Variants in KLHL6 observed in about 807,000 individuals in gnomAD.
KLHL6 encodes the protein kelch like family member 6, also known as kelch-like protein 6.
A neutral mutation model predicts 58.6 loss-of-function variants in KLHL6; 41 were observed. The observed-to-expected ratio is 0.70, with a 90% CI of 0.55 to 0.91. The LOEUF (loss-of-function observed/expected upper bound fraction) is 0.91. KLHL6 is among the 40% of genes least tolerant of loss of function. The pLI is 0.00. For missense variants in KLHL6, 714 were observed against 805.6 expected, an observed-to-expected ratio of 0.89 and a Z score of 1.38; for synonymous variants, 338 against 322.7, an observed-to-expected ratio of 1.05 and a Z score of -0.51.
At chr3:183,529,981 A>T (rs539267773) in intron 1 of KLHL6, among the ~76,000 whole-genome samples, 1 of 152,260 alleles carries the variant, frequency 6.6e-6, no homozygotes, top group South Asian at 2.1e-4. Context: ...GGACTCAGCG[A>T]GAAGGTGGCC....
chr3:183,528,028 G>A lies in KLHL6; in HGVS notation c.294-18C>T, dbSNP rs1560104646. ...ACATGGCCCTGGAAGAGAAATGTGT[G>A]AATGTGAATCGTGCCGAGACCCTTG... is the stretch of plus-strand genomic sequence containing the variant. On this transcript the variant is annotated intron_variant, in intron 1 of 6. Coordinates refer to ENST00000341319, the MANE Select transcript of KLHL6 (RefSeq NM_130446.4). 2 of 1,613,906 alleles carry A rather than the reference G, an allele frequency of 1.2e-6. No homozygotes were observed. The highest frequency in any genetic ancestry group is 1.6e-4 in the Middle Eastern group (1 of 6,062).
intron 1 of KLHL6, among the ~76,000 whole-genome samples, chr3:183,543,074 C>T (rs908547099): frequency 1.3e-5 from 2 of 152,164 alleles, no homozygotes; most frequent in African/African-American, 4.8e-5. Context: ...GGGCAGATCA[C>T]CTGAGGTCAG....
intron 5 of KLHL6, chr3:183,493,826 G>T: frequency 2.0e-6 from 1 of 509,494 alleles, no homozygotes; most frequent in Non-Finnish European, 3.6e-6. Flanking sequence ...GTGCACATCT[G>T]GGGTTCTGTC....
chr3:183,535,553 A>C (rs1712337092), intron 1 of KLHL6, among the ~76,000 whole-genome samples: 1 of 152,236 alleles, frequency 6.6e-6, no homozygotes, highest in Non-Finnish European at 1.5e-5. Flanking sequence ...CCAACATGAC[A>C]TTTAGAAATG....
At position 183,508,221 on chromosome 3, in the gene KLHL6, T is replaced by C; in HGVS notation, c.747A>G (p.Glu249=). The change falls in exon 3 of 7, where the codon GAA becomes GAG. Residue 249 remains glutamate (E), a synonymous_variant. Transcript: ENST00000341319. ...VMSWVRHKPS[E]RLCLLPYVLE... is the part of the protein sequence containing the mutation. ...GGACATAGGGGAGTAAGCAGAGTCG[T>C]TCTGATGGCTTGTGCCGGACCCAGC... The C allele has an allele frequency of 6.2e-7, 1 of 1,614,188 alleles. No individual in the cohort carries two copies. Among genetic ancestry groups the C allele is most frequent in the East Asian group, 2.2e-5 (1 of 44,876 alleles).
chr3:183,494,911 T>C (rs1717673890), intron 4 of KLHL6, among the ~76,000 whole-genome samples: 1 of 152,168 alleles, frequency 6.6e-6, no homozygotes, highest in South Asian at 2.1e-4. Flanking sequence ...CTGGTAAACA[T>C]TTTCTTGAAG....
intron 1 of KLHL6, among the ~76,000 whole-genome samples, chr3:183,537,067 T>C (rs1484903556): frequency 6.6e-6 from 1 of 152,162 alleles, no homozygotes; most frequent in Non-Finnish European, 1.5e-5. Context: ...TACACTACCC[T>C]GGCCATGGCC....
At chr3:183,537,508 C>A (rs922668431) in intron 1 of KLHL6, among the ~76,000 whole-genome samples, 18 of 152,308 alleles carry the variant, frequency 1.2e-4, no homozygotes, top group Middle Eastern at 3.4e-3. Flanking sequence ...GGAAGATCCT[C>A]ATTTTACAGC....
Position 183,555,354 on chromosome 3 carries a change from T to C in KLHL6, c.293+7A>G. On this transcript the variant is annotated splice_region_variant and intron_variant, in intron 1 of 6. Transcript: ENST00000341319. ...CCCAATTTGACTCTGGTCCTAGGCA[T>C]GCTGACCTGAAATAGTTGCTGGCTG... 6.2e-7 allele frequency: 1 copy of C among 1,613,116 alleles called. No individual in the cohort carries two copies. Among genetic ancestry groups the C allele is most frequent in the Non-Finnish European group, 8.5e-7 (1 of 1,179,258 alleles).
Position 183,555,418 on chromosome 3 carries a change from T to C in KLHL6, c.236A>G (p.Asp79Gly). The change falls in exon 1 of 7, where the codon GAC (aspartate) becomes GGC (glycine). Residue 79 changes from aspartate to glycine, a missense_variant. By Grantham distance (94) the Asp-to-Gly change is moderately conservative. Transcript: ENST00000341319. Reference sequence around the variant, plus strand: ...GCGGTGGCAGGAGAATTCCTGAATGTCCACACACAAGATGACATCTGTCAG... The same window carrying C: ...GCGGTGGCAGGAGAATTCCTGAATGCCCACACACAAGATGACATCTGTCAG... ...NALTDVILCV[D>G]IQEFSCHRVV... is the part of the protein sequence containing the mutation. The C allele has an allele frequency of 6.2e-7, 1 of 1,614,086 alleles. No homozygotes were observed. The highest frequency in any genetic ancestry group is 8.5e-7 in the Non-Finnish European group (1 of 1,179,994).
chr3:183,510,847 C>T lies in KLHL6; in HGVS notation c.460-2339G>A, dbSNP rs149065147. ...GATATCGTGTCATTGCACTCTAGCC[C>T]GGGCAACAAGAGCAAAACTCCATCT... On this transcript the variant is annotated intron_variant, in intron 2 of 6. Transcript: ENST00000341319. Among the ~76,000 whole-genome samples the T allele has an allele frequency of 3.0e-3, 442 of 146,248 alleles. 10 individuals are homozygous for T. Among genetic ancestry groups the T allele is most frequent in the Admixed American group, 0.024 (345 of 14,324 alleles).
chr3:183,539,381 G>A (rs936358770), intron 1 of KLHL6, among the ~76,000 whole-genome samples: 3 of 152,108 alleles, frequency 2.0e-5, no homozygotes, highest in South Asian at 2.1e-4. Flanking sequence ...CAGCTGCCCC[G>A]ATCTGACTCT....
At chr3:183,498,831 G>A (rs549096055) in intron 4 of KLHL6, among the ~76,000 whole-genome samples, 3 of 152,276 alleles carry the variant, frequency 2.0e-5, no homozygotes, top group African/African-American at 7.2e-5. Flanking sequence ...AAACACTTTC[G>A]TAATGAAAAA....
At chr3:183,501,336 C>G (rs1560093097) in intron 3 of KLHL6, among the ~76,000 whole-genome samples, 1 of 152,232 alleles carries the variant, frequency 6.6e-6, no homozygotes, top group African/African-American at 2.4e-5. Flanking sequence ...TGTCCCTAAA[C>G]CACCTTCCCC....
At chr3:183,496,700 A>T (rs1008707305) in intron 4 of KLHL6, among the ~76,000 whole-genome samples, 1 of 152,260 alleles carries the variant, frequency 6.6e-6, no homozygotes, top group African/African-American at 2.4e-5. Context: ...CTTGATATGT[A>T]TATCCATTAA....
chr3:183,551,849 T>C (rs1268686668), intron 1 of KLHL6, among the ~76,000 whole-genome samples: 1 of 152,172 alleles, frequency 6.6e-6, no homozygotes, highest in Non-Finnish European at 1.5e-5. Flanking sequence ...TATTTAACGC[T>C]TTGTTTACTA....
At chr3:183,550,961 AT>A (rs1189393382) in intron 1 of KLHL6, among the ~76,000 whole-genome samples, 7 of 151,578 alleles carry the variant, frequency 4.6e-5, no homozygotes, top group Non-Finnish European at 8.8e-5. Flanking sequence ...TGTACTAAAA[AT>A]AAAAAAAAAT....
chr3:183,492,724 C>A lies in KLHL6; in HGVS notation c.1351-17G>T. 1 of 1,611,394 alleles carries A rather than the reference C, an allele frequency of 6.2e-7. No individual in the cohort carries two copies. The highest frequency in any genetic ancestry group is 8.5e-7 in the Non-Finnish European group (1 of 1,179,220). On this transcript the variant is annotated splice_polypyrimidine_tract_variant and intron_variant, in intron 5 of 6. Transcript: ENST00000341319. This position sits in a 1 kb window ranked among gnomAD's most constrained non-coding sequence, Gnocchi z 5.9. ...GGGTGCGGCCTGTAGAGGCACAGGG[C>A]ACAAGAAGAAGCTGTCAGTCATGCT...
intron 2 of KLHL6, among the ~76,000 whole-genome samples, chr3:183,527,108 AC>A (rs1404518528): frequency 4.0e-5 from 6 of 151,848 alleles, no homozygotes; most frequent in Non-Finnish European, 8.8e-5. Context: ...AAAAAAAAAA[AC>A]AAAAACAAAA....
Sources: gnomAD v4.1 joint callset for allele counts (sites outside exome capture counted in the v4.1 genomes callset) on GRCh38, gnomAD v4.1.1 for gene constraint, Gnocchi (gnomAD v3.1) non-coding constraint, MANE v1.5 for transcripts, NCBI Gene and HGNC (gene_info 2026-07-23, HGNC 2026-07-21) for gene names.